MTO1: variants seen among roughly 807,000 people sequenced by gnomAD.
MTO1 encodes the protein 5-taurinomethyluridine-[tRNA] synthase subunit MTO1, mitochondrial.
In MTO1, 46 loss-of-function variants were observed where a neutral mutation model predicts 71.6. The observed-to-expected ratio is 0.64, with a 90% CI of 0.51 to 0.82. MTO1 has a LOEUF of 0.82. MTO1 is among the 40% of genes least tolerant of loss of function. The pLI is 0.00. For synonymous variants in MTO1, 297 were observed against 312.1 expected, an observed-to-expected ratio of 0.95 and a Z score of 0.51; for missense variants, 773 against 867.5, an observed-to-expected ratio of 0.89 and a Z score of 1.37.
intron 3 of MTO1, among the ~76,000 whole-genome samples, chr6:73,470,033 T>A (rs1398491940): frequency 1.3e-5 from 2 of 152,038 alleles, no homozygotes; most frequent in Non-Finnish European, 2.9e-5. Context: ...AACCAGCCTT[T>A]TGGTTTGGTG....
chr6:73,492,968 ATG>A (rs368351300), intron 10 of MTO1, among the ~76,000 whole-genome samples: 27 of 67,870 alleles, frequency 4.0e-4, no homozygotes, highest in East Asian at 1.6e-3. Flanking sequence ...TATATAATAT[ATG>A]TGTGTGTGTG....
In MTO1 at chr6:73,508,888, AG is replaced by A. The variant is rs1298821596; in HGVS notation, c.*8155del. On this transcript the variant is annotated 3_prime_UTR_variant, in exon 12 of 12. Transcript: ENST00000498286. ...GGGGACTGTAGGTCAATGCTCCACGAGGTTCTTCTTTTGTTGCACCAATATA... is the reference window on the plus strand; with the variant it reads ...GGGGACTGTAGGTCAATGCTCCACGAGTTCTTCTTTTGTTGCACCAATATA... 6.6e-6 allele frequency: 1 copy of A among 152,192 alleles called. No individual in the cohort carries two copies. The highest frequency in any genetic ancestry group is 2.4e-5 in the African/African-American group (1 of 41,432). The allele number at this position is 152,192 out of a possible 1,614,324, so 9.4% of individuals were successfully genotyped here. A position where few individuals can be genotyped will look rare whatever the true frequency, so the allele number is the denominator to read the frequency against.
intron 1 of MTO1, chr6:73,464,253 A>C (rs986919953): frequency 2.0e-5 from 3 of 152,190 alleles, no homozygotes; most frequent in Admixed American, 6.6e-5. Context: ...TGGGGAGCCC[A>C]GGAGTCTTCT....
In MTO1 at chr6:73,461,881, T is replaced by C. The variant is rs1327873376; in HGVS notation, c.27T>C (p.Arg9=). Residue 9 remains arginine, a synonymous_variant, in exon 1 of 12, where the codon CGT becomes CGC. Coordinates refer to ENST00000498286, the MANE Select transcript of MTO1 (RefSeq NM_012123.4). Reference sequence around the variant, plus strand: ...TGTTCTACTTCCGAGGCTGTGGCCGTTGGGTCGCGGTTTCCTTCACCAAGC... The same window carrying C: ...TGTTCTACTTCCGAGGCTGTGGCCGCTGGGTCGCGGTTTCCTTCACCAAGC... MFYFRGCG[R]WVAVSFTKQQ... is the part of the protein sequence containing the mutation. 1.9e-6 allele frequency: 3 copies of C among 1,613,874 alleles called. No individual in the cohort carries two copies. Among genetic ancestry groups the C allele is most frequent in the African/African-American group, 2.7e-5 (2 of 75,070 alleles).
At chr6:73,465,374 G>A (rs1048020166) in intron 1 of MTO1, among the ~76,000 whole-genome samples, 4 of 151,952 alleles carry the variant, frequency 2.6e-5, no homozygotes, top group African/African-American at 9.7e-5. Context: ...GTGTCGCCCA[G>A]GGTGGTCTCA....
intron 4 of MTO1, among the ~76,000 whole-genome samples, chr6:73,474,351 G>A (rs1409470104): frequency 6.6e-6 from 1 of 152,006 alleles, no homozygotes; most frequent in Non-Finnish European, 1.5e-5. Context: ...TCAAAGTGCT[G>A]GGATTATAGG....
rs978986645 is a variant in MTO1 at position 73,506,571 on chromosome 6, A to T, written c.*5836A>T. On this transcript the variant is annotated 3_prime_UTR_variant, in exon 12 of 12. Transcript: ENST00000498286. ...CCAAGATTCTGAGGCTTCCTCAGCC[A>T]TGTGGAACTTTGGGGACGAAAAGAG... 1 of 152,652 alleles carries T rather than the reference A, an allele frequency of 6.6e-6. No homozygotes were observed. Among genetic ancestry groups the T allele is most frequent in the Non-Finnish European group, 1.5e-5 (1 of 68,596 alleles). The allele number at this position is 152,652 out of a possible 1,614,324, so 9.5% of individuals were successfully genotyped here.
chr6:73,487,379 A>T (rs571721017), intron 9 of MTO1, among the ~76,000 whole-genome samples: 119 of 151,524 alleles, frequency 7.9e-4, no homozygotes, highest in African/African-American at 2.7e-3. Context: ...TTTAGTAGAG[A>T]TGGGGTTTCA....
At chr6:73,478,121 C>G (rs988110327) in intron 4 of MTO1, among the ~76,000 whole-genome samples, 1 of 151,790 alleles carries the variant, frequency 6.6e-6, no homozygotes, top group Non-Finnish European at 1.5e-5. Context: ...TGGTGGCATG[C>G]CCCTGTAGTC....
intron 10 of MTO1, among the ~76,000 whole-genome samples, chr6:73,494,797 A>T (rs1376960770): frequency 1.3e-4 from 16 of 127,774 alleles, no homozygotes; most frequent in Admixed American, 2.4e-4. Context: ...TTTGAGACAG[A>T]GTCTTACTCT....
At position 73,466,480 on chromosome 6, in the gene MTO1, T is replaced by G; in HGVS notation, c.418-9T>G. The G allele has an allele frequency of 1.2e-6, 2 of 1,613,962 alleles. No individual in the cohort carries two copies. Among genetic ancestry groups the G allele is most frequent in the Non-Finnish European group, 1.7e-6 (2 of 1,179,826 alleles). On this transcript the variant is annotated splice_polypyrimidine_tract_variant and intron_variant, in intron 2 of 11. Transcript: ENST00000498286. ...TTACCATGTTTCAACTGGCATTTTC[T>G]TTTGACAGAAAGAAATCTTGAATAC...
chr6:73,492,406 T>A, intron 10 of MTO1, 54 bp downstream of exon 10: 1 of 1,172,708 alleles, frequency 8.5e-7, no homozygotes, highest in Non-Finnish European at 1.3e-6. Context: ...AAATTATGAA[T>A]AGACAACAGA....
chr6:73,462,733 AATG>A (rs1453936441), intron 1 of MTO1, among the ~76,000 whole-genome samples: 10 of 152,118 alleles, frequency 6.6e-5, no homozygotes, highest in African/African-American at 2.4e-4. Flanking sequence ...GTCTCAAAAT[AATG>A]ATAATATTAA....
intron 11 of MTO1, among the ~76,000 whole-genome samples, chr6:73,500,322 C>G (rs1772120730): frequency 6.6e-6 from 1 of 152,180 alleles, no homozygotes; most frequent in African/African-American, 2.4e-5. Context: ...ACTCTAACAT[C>G]TATTAGTTAT....
intron 1 of MTO1, among the ~76,000 whole-genome samples, chr6:73,462,891 C>T (rs1770870148): frequency 6.6e-6 from 1 of 152,098 alleles, no homozygotes; most frequent in Non-Finnish European, 1.5e-5. Context: ...GCTCCGCTTT[C>T]TGGACTCAAG....
Position 73,479,185 on chromosome 6 carries a change from G to C in MTO1, c.826-547G>C, listed in dbSNP as rs541242357. On this transcript the variant is annotated intron_variant, in intron 4 of 11. Coordinates refer to ENST00000498286, the MANE Select transcript of MTO1 (RefSeq NM_012123.4). ...TACAGGTGTGAGCCACTTGCACTTGGCAATAACTTTTTTAAAAAAGTAACC... is the reference window on the plus strand; with the variant it reads ...TACAGGTGTGAGCCACTTGCACTTGCCAATAACTTTTTTAAAAAAGTAACC... 1.5e-3 allele frequency among the ~76,000 whole-genome samples: 227 copies of C among 151,480 alleles called. 3 individuals carry two copies. The highest frequency in any genetic ancestry group is 0.014 in the South Asian group (69 of 4,776).
intron 4 of MTO1, among the ~76,000 whole-genome samples, chr6:73,475,740 G>A (rs989453628): frequency 6.6e-6 from 1 of 151,916 alleles, no homozygotes; most frequent in Non-Finnish European, 1.5e-5. Context: ...ACGAGCTCCC[G>A]ACCTCAGGTG....
At chr6:73,477,929 G>A (rs1285854830) in intron 4 of MTO1, among the ~76,000 whole-genome samples, 1 of 151,982 alleles carries the variant, frequency 6.6e-6, no homozygotes, top group Non-Finnish European at 1.5e-5. Flanking sequence ...TTGAAGTGTA[G>A]AGGCCACTTT....
chr6:73,501,327 T>A lies in MTO1; in HGVS notation c.*592T>A, dbSNP rs925475122. On this transcript the variant is annotated 3_prime_UTR_variant, in exon 12 of 12. Coordinates refer to ENST00000498286, the MANE Select transcript of MTO1 (RefSeq NM_012123.4). Reference sequence around the variant, plus strand: ...GAACATTAATGAAAGCCCTATAAAATAGAAAGATTGGAAATCACCATTGTT... The same window carrying A: ...GAACATTAATGAAAGCCCTATAAAAAAGAAAGATTGGAAATCACCATTGTT... 1 of 152,332 alleles carries A rather than the reference T, an allele frequency of 6.6e-6. No individual in the cohort carries two copies. The highest frequency in any genetic ancestry group is 1.5e-5 in the Non-Finnish European group (1 of 68,028). The allele number at this position is 152,332 out of a possible 1,614,324, so 9.4% of individuals were successfully genotyped here.
Sources: gnomAD v4.1 joint callset for allele counts (sites outside exome capture counted in the v4.1 genomes callset) on GRCh38, gnomAD v4.1.1 for gene constraint, MANE v1.5 for transcripts, NCBI Gene and HGNC (gene_info 2026-07-23, HGNC 2026-07-21) for gene names.